The following CDH12 variants were observed in gnomAD, a reference collection of about 807,000 sequenced individuals.
CDH12 encodes the protein cadherin 12, also known as cadherin-12.
Under a neutral mutation model 74.1 loss-of-function variants are expected in CDH12, and 41 were observed. That is an observed-to-expected ratio of 0.55 (90% CI 0.43 to 0.72). CDH12 has a LOEUF of 0.72. Ranked by LOEUF, CDH12 falls within the 30% of genes least tolerant of loss-of-function variation. The pLI, the probability that CDH12 is intolerant of heterozygous loss-of-function variation, is 0.00. For synonymous variants in CDH12, 399 were observed against 355.0 expected (o/e 1.12, Z -1.39); for missense variants, 945 against 977.2 (o/e 0.97, Z 0.44).
intron 3 of CDH12, among the ~76,000 whole-genome samples, chr5:22,257,428 GTGTT>G (rs1698479746): frequency 6.6e-6 from 1 of 151,628 alleles, no homozygotes. Context: ...TCTGTACAAT[GTGTT>G]TGTTTTTTTA....
chr5:22,777,905 C>G (rs987617005), intron 1 of CDH12, among the ~76,000 whole-genome samples: 1 of 152,060 alleles, frequency 6.6e-6, no homozygotes, highest in Non-Finnish European at 1.5e-5. Context: ...CCTTCACCTC[C>G]TGGGTTCAAG....
intron 4 of CDH12, among the ~76,000 whole-genome samples, chr5:22,126,452 T>C (rs1385637041): frequency 2.6e-5 from 4 of 152,212 alleles, no homozygotes; most frequent in Admixed American, 1.3e-4. Context: ...CAGAACTGTA[T>C]ACAAGTCATG....
intron 1 of CDH12, among the ~76,000 whole-genome samples, chr5:22,740,333 T>C (rs563896039): frequency 1.3e-5 from 2 of 152,024 alleles, no homozygotes; most frequent in Non-Finnish European, 2.9e-5. Flanking sequence ...ATTAACCACT[T>C]TTCCTACATG....
intron 6 of CDH12, among the ~76,000 whole-genome samples, chr5:21,938,360 C>G (rs1299118499): frequency 2.6e-5 from 4 of 151,976 alleles, no homozygotes; most frequent in African/African-American, 4.8e-5. Context: ...CTTCTGCCTT[C>G]AAGGAGCTTA....
intron 5 of CDH12, among the ~76,000 whole-genome samples, chr5:22,020,622 C>T (rs1345175376): frequency 2.0e-5 from 3 of 151,852 alleles, no homozygotes; most frequent in African/African-American, 7.3e-5. Context: ...CTGATGGAGG[C>T]TCTCTTTCTG....
intron 6 of CDH12, among the ~76,000 whole-genome samples, chr5:21,911,707 A>T (rs964311676): frequency 6.6e-6 from 1 of 152,164 alleles, no homozygotes; most frequent in Non-Finnish European, 1.5e-5. Flanking sequence ...TGAGGAATAC[A>T]TGTATGTGTT....
At chr5:22,088,360 G>A (rs1311345071) in intron 4 of CDH12, among the ~76,000 whole-genome samples, 1 of 152,084 alleles carries the variant, frequency 6.6e-6, no homozygotes, top group African/African-American at 2.4e-5. Flanking sequence ...CCCTCTCAGA[G>A]GATAAAAGCT....
At chr5:21,938,749 T>TATATA (rs1755193440) in intron 6 of CDH12, among the ~76,000 whole-genome samples, 1 of 137,654 alleles carries the variant, frequency 7.3e-6, no homozygotes, top group Non-Finnish European at 1.5e-5. Context: ...TATATATATA[T>TATATA]CTTCTACATA....
At chr5:22,380,495 T>C (rs1741713160) in intron 3 of CDH12, among the ~76,000 whole-genome samples, 1 of 151,738 alleles carries the variant, frequency 6.6e-6, no homozygotes, top group African/African-American at 2.4e-5. Context: ...CATATACTTG[T>C]CACAGTATTT....
chr5:22,315,482 A>G (rs959101496), intron 3 of CDH12, among the ~76,000 whole-genome samples: 2 of 152,090 alleles, frequency 1.3e-5, no homozygotes, highest in Non-Finnish European at 2.9e-5. Flanking sequence ...GAAACATAGT[A>G]TTACCTCTGA....
chr5:22,768,189 A>G (rs1299300319), intron 1 of CDH12, among the ~76,000 whole-genome samples: 3 of 152,002 alleles, frequency 2.0e-5, no homozygotes, highest in Non-Finnish European at 4.4e-5. Context: ...CATAACATCT[A>G]TTTTCTTCTA....
chr5:22,335,771 T>C (rs889204508), intron 3 of CDH12, among the ~76,000 whole-genome samples: 6 of 152,102 alleles, frequency 3.9e-5, no homozygotes, highest in Non-Finnish European at 7.3e-5. Context: ...TGTCCAGTCT[T>C]GGGTATGTCT....
chr5:21,861,435 A>G (rs2150008248), intron 6 of CDH12, among the ~76,000 whole-genome samples: 1 of 152,224 alleles, frequency 6.6e-6, no homozygotes, highest in Admixed American at 6.6e-5. Flanking sequence ...CTGAGTGAGA[A>G]TGTAACAAAG....
chr5:22,244,199 T>C (rs1295661344), intron 3 of CDH12, among the ~76,000 whole-genome samples: 1 of 151,884 alleles, frequency 6.6e-6, no homozygotes, highest in Non-Finnish European at 1.5e-5. Flanking sequence ...TAGAAAATAA[T>C]CTATAGCAGG....
chr5:21,755,127 T>C (rs1359557905), intron 14 of CDH12, among the ~76,000 whole-genome samples: 1 of 152,220 alleles, frequency 6.6e-6, no homozygotes, highest in Admixed American at 6.5e-5. Context: ...TTCGCTCTTT[T>C]ATCTTCCTTT....
chr5:22,076,067 C>T (rs1742294876), intron 5 of CDH12, among the ~76,000 whole-genome samples: 1 of 151,924 alleles, frequency 6.6e-6, no homozygotes, highest in African/African-American at 2.4e-5. Flanking sequence ...GAAAAGAAAC[C>T]TTGGCATCCA....
chr5:22,427,356 C>T (rs958832498), intron 2 of CDH12, among the ~76,000 whole-genome samples: 29 of 152,034 alleles, frequency 1.9e-4, no homozygotes, highest in African/African-American at 6.0e-4. Flanking sequence ...TTAGTAGAGA[C>T]GGGGTTTCAC....
intron 9 of CDH12, among the ~76,000 whole-genome samples, chr5:21,804,917 C>T (rs1479159067): frequency 1.3e-5 from 2 of 152,004 alleles, no homozygotes; most frequent in East Asian, 3.9e-4. Flanking sequence ...AAGATAGAAG[C>T]GTGCACTAGC....
intron 1 of CDH12, among the ~76,000 whole-genome samples, chr5:22,700,026 T>A (rs2126958144): frequency 6.6e-6 from 1 of 152,130 alleles, no homozygotes; most frequent in South Asian, 2.1e-4. Context: ...ATTAGCTGCA[T>A]ATGTTGGCGC....
Sources: gnomAD v4.1 joint callset for allele counts (sites outside exome capture counted in the v4.1 genomes callset) on GRCh38, gnomAD v4.1.1 for gene constraint, MANE v1.5 for transcripts, NCBI Gene and HGNC (gene_info 2026-07-23, HGNC 2026-07-21) for gene names.